Variants in TMEM178B observed in about 807,000 individuals in gnomAD.
The protein encoded by TMEM178B is transmembrane protein 178B.
A neutral mutation model predicts 31.0 loss-of-function variants in TMEM178B; 5 were observed. The ratio of observed to expected loss-of-function variants is 0.16; its 90% CI spans 0.08 to 0.34. The LOEUF (loss-of-function observed/expected upper bound fraction) is 0.34. Among genes scored for constraint, TMEM178B ranks in the 10% least tolerant of loss-of-function variants. TMEM178B has a pLI of 1.00. For synonymous variants in TMEM178B, 164 were observed against 164.0 expected (o/e 1.00, Z 0.00); for missense variants, 275 against 400.3 (o/e 0.69, Z 2.67).
chr7:141,233,112 C>T (rs753937043), intron 2 of TMEM178B, among the ~76,000 whole-genome samples: 1 of 152,208 alleles, frequency 6.6e-6, no homozygotes, highest in African/African-American at 2.4e-5. Flanking sequence ...CTTCCCTGCT[C>T]CTCTCTCCAA....
chr7:141,190,476 A>ATT (rs879566403), intron 1 of TMEM178B, among the ~76,000 whole-genome samples: 1 of 144,808 alleles, frequency 6.9e-6, no homozygotes, highest in African/African-American at 2.5e-5. Context: ...ACTGTGGCTA[A>ATT]TTTTTTTTTT....
rs149397973 is a variant in TMEM178B at position 141,301,426 on chromosome 7, G to A, written c.496+88722G>A. ...TCTTTAAGGAGAGGTAGTTTTACGT[G>A]TTTATGTTCTACTGCTGGGTGGGTG... is the stretch of plus-strand genomic sequence containing the variant. On this transcript the variant is annotated intron_variant, in intron 2 of 3. Transcript: ENST00000565468. Among the ~76,000 whole-genome samples the A allele has an allele frequency of 5.1e-3, 780 of 152,182 alleles. 12 individuals carry two copies. The East Asian group carries it at 0.052, about 10-fold the overall frequency.
At chr7:141,264,627 C>G (rs935107637) in intron 2 of TMEM178B, among the ~76,000 whole-genome samples, 2 of 151,818 alleles carry the variant, frequency 1.3e-5, no homozygotes, top group Non-Finnish European at 2.9e-5. Context: ...AAATACTGTT[C>G]TAGGTTGTGA....
chr7:141,435,722 A>G (rs908718147), intron 2 of TMEM178B, among the ~76,000 whole-genome samples: 6 of 152,230 alleles, frequency 3.9e-5, no homozygotes, highest in African/African-American at 1.4e-4. Flanking sequence ...CAGCAGTTCC[A>G]TCTGACACAT....
At chr7:141,326,005 T>A (rs1799183368) in intron 2 of TMEM178B, among the ~76,000 whole-genome samples, 1 of 152,218 alleles carries the variant, frequency 6.6e-6, no homozygotes, top group Admixed American at 6.5e-5. Flanking sequence ...CCAGCATTGC[T>A]AATGTAGTCA....
intron 2 of TMEM178B, among the ~76,000 whole-genome samples, chr7:141,432,702 A>G (rs1344091791): frequency 6.6e-6 from 1 of 152,216 alleles, no homozygotes; most frequent in African/African-American, 2.4e-5. Context: ...GATATCAAAA[A>G]TAATTTTGAA....
intron 2 of TMEM178B, among the ~76,000 whole-genome samples, chr7:141,398,432 CAGG>C (rs1800695829): frequency 6.6e-6 from 1 of 152,160 alleles, no homozygotes; most frequent in Non-Finnish European, 1.5e-5. Context: ...CCCAGAGAAA[CAGG>C]AGGACGGCAC....
intron 2 of TMEM178B, among the ~76,000 whole-genome samples, chr7:141,248,069 C>G (rs1158109555): frequency 4.0e-5 from 6 of 151,422 alleles, no homozygotes; most frequent in Admixed American, 2.6e-4. Context: ...CTAAAGCATT[C>G]TGCAAGTTGT....
chr7:141,491,107 G>A, the TMEM178B span, among the ~76,000 whole-genome samples: 9 of 151,808 alleles, frequency 5.9e-5, no homozygotes, highest in Admixed American at 1.3e-4. Context: ...GGCTCACTGC[G>A]GCCTTGACCT....
chr7:141,298,642 A>G (rs1798674641), intron 2 of TMEM178B, among the ~76,000 whole-genome samples: 1 of 152,194 alleles, frequency 6.6e-6, no homozygotes, highest in Non-Finnish European at 1.5e-5. Context: ...CAGAGTAGAG[A>G]TTGGCCTGGA....
At chr7:141,496,205 C>G in the TMEM178B span, among the ~76,000 whole-genome samples, 6 of 152,168 alleles carry the variant, frequency 3.9e-5, no homozygotes, top group African/African-American at 1.4e-4. Flanking sequence ...AAATTTTCCC[C>G]TTATAGTTGG....
chr7:141,480,580 G>A (rs555682767), downstream of TMEM178B, among the ~76,000 whole-genome samples: 1 of 152,238 alleles, frequency 6.6e-6, no homozygotes, highest in Non-Finnish European at 1.5e-5. Flanking sequence ...TACATGCTTC[G>A]CATGTTGGGT....
chr7:141,281,149 C>G (rs1277328661), intron 2 of TMEM178B, among the ~76,000 whole-genome samples: 2 of 151,936 alleles, frequency 1.3e-5, no homozygotes, highest in Non-Finnish European at 2.9e-5. Flanking sequence ...TGTGATAACT[C>G]CAGCTATTAG....
chr7:141,431,749 T>C (rs1801433352), intron 2 of TMEM178B, among the ~76,000 whole-genome samples: 1 of 152,178 alleles, frequency 6.6e-6, no homozygotes, highest in Admixed American at 6.5e-5. Context: ...TTCTTTTCTT[T>C]TTCTTTTCTA....
chr7:141,168,375 A>G (rs1000452378), intron 1 of TMEM178B, among the ~76,000 whole-genome samples: 1 of 152,194 alleles, frequency 6.6e-6, no homozygotes, highest in African/African-American at 2.4e-5. Flanking sequence ...AACCAAGGCT[A>G]TTCTGTTCTT....
At chr7:141,288,742 C>T (rs534217368) in intron 2 of TMEM178B, among the ~76,000 whole-genome samples, 3 of 152,320 alleles carry the variant, frequency 2.0e-5, no homozygotes, top group Admixed American at 2.0e-4. Context: ...ACACAGGCAG[C>T]GAATACCAGG....
At chr7:141,469,622 A>G (rs899845327) in intron 3 of TMEM178B, among the ~76,000 whole-genome samples, 5 of 152,236 alleles carry the variant, frequency 3.3e-5, no homozygotes, top group African/African-American at 1.2e-4. Context: ...CATTGCTCTC[A>G]TATCAGTGGT....
intron 2 of TMEM178B, among the ~76,000 whole-genome samples, chr7:141,235,004 G>T (rs1445700526): frequency 1.3e-5 from 2 of 152,198 alleles, no homozygotes; most frequent in Non-Finnish European, 2.9e-5. Context: ...CTAAGGCCAT[G>T]TAAAAAGAAA....
At chr7:141,233,081 T>G (rs1167860348) in intron 2 of TMEM178B, among the ~76,000 whole-genome samples, 2 of 152,216 alleles carry the variant, frequency 1.3e-5, no homozygotes, top group African/African-American at 4.8e-5. Context: ...AGTGTGTTAG[T>G]TCTGCGATTG....
Sources: gnomAD v4.1 joint callset for allele counts (sites outside exome capture counted in the v4.1 genomes callset) on GRCh38, gnomAD v4.1.1 for gene constraint, MANE v1.5 for transcripts, NCBI Gene and HGNC (gene_info 2026-07-23, HGNC 2026-07-21) for gene names.